Variants in GCNT1 observed in about 807,000 individuals in gnomAD.
The protein encoded by GCNT1 is glucosaminyl (N-acetyl) transferase 1.
GCNT1 carries 16 observed loss-of-function variants against 26.2 expected under a neutral mutation model. The ratio of observed to expected loss-of-function variants is 0.61; its 90% CI spans 0.41 to 0.93. The LOEUF is 0.93. Ranked by LOEUF, GCNT1 falls within the 40% of genes least tolerant of loss-of-function variation. The pLI, the probability that GCNT1 is intolerant of heterozygous loss-of-function variation, is 0.00. For missense variants in GCNT1, 477 were observed against 526.7 expected, an observed-to-expected ratio of 0.91 and a Z score of 0.92; for synonymous variants, 183 against 190.8, an observed-to-expected ratio of 0.96 and a Z score of 0.34.
upstream of GCNT1, among the ~76,000 whole-genome samples, chr9:76,440,585 G>A (rs1823470969): frequency 6.6e-6 from 1 of 152,144 alleles, no homozygotes; most frequent in Non-Finnish European, 1.5e-5. Flanking sequence ...CACCTGTCCT[G>A]TCTCCTTCCT....
chr9:76,408,052 G>A, the GCNT1 span, among the ~76,000 whole-genome samples: 142,626 of 152,264 alleles, frequency 0.94, 66,827 homozygotes, highest in East Asian at 1. Flanking sequence ...GATTTTCTAC[G>A]TAAATGTTCA....
intron 2 of GCNT1, among the ~76,000 whole-genome samples, chr9:76,494,529 C>T (rs2131634910): frequency 6.6e-6 from 1 of 152,258 alleles, no homozygotes; most frequent in Non-Finnish European, 1.5e-5. Context: ...TCAGGAGTAG[C>T]TTTTGTTAGG....
chr9:76,457,726 TAA>T (rs1295860860), upstream of GCNT1, among the ~76,000 whole-genome samples: 1 of 152,282 alleles, frequency 6.6e-6, no homozygotes, highest in African/African-American at 2.4e-5. Flanking sequence ...AAATTATTTT[TAA>T]AAGTTTATAA....
chr9:76,404,180 T>C, the GCNT1 span, among the ~76,000 whole-genome samples: 2 of 152,222 alleles, frequency 1.3e-5, no homozygotes, highest in Non-Finnish European at 2.9e-5. Context: ...TTACCAACAG[T>C]AATTACATAT....
At chr9:76,451,119 C>T (rs1823658211) in intron 1 of GCNT1, among the ~76,000 whole-genome samples, 1 of 152,190 alleles carries the variant, frequency 6.6e-6, no homozygotes, top group South Asian at 2.1e-4. Flanking sequence ...AAAGTAGTAC[C>T]TTACTCTTTT....
At chr9:76,447,654 C>G (rs1482465650) in intron 1 of GCNT1, among the ~76,000 whole-genome samples, 3 of 152,162 alleles carry the variant, frequency 2.0e-5, no homozygotes, top group Non-Finnish European at 4.4e-5. Context: ...ATTTTGCACA[C>G]TACCACCAGA....
At chr9:76,432,594 C>T (rs1290871993) in intron 1 of GCNT1, among the ~76,000 whole-genome samples, 1 of 152,168 alleles carries the variant, frequency 6.6e-6, no homozygotes, top group Admixed American at 6.5e-5. Flanking sequence ...CCTGCCTGGG[C>T]CTCCCAAAGT....
the GCNT1 span, among the ~76,000 whole-genome samples, chr9:76,396,781 T>G: frequency 6.6e-6 from 1 of 152,144 alleles, no homozygotes; most frequent in African/African-American, 2.4e-5. Flanking sequence ...GCAGTTGCAG[T>G]GAGCTGGAGA....
intron 2 of GCNT1, among the ~76,000 whole-genome samples, chr9:76,482,762 A>T (rs928289387): frequency 9.9e-5 from 15 of 151,216 alleles, no homozygotes; most frequent in African/African-American, 3.6e-4. Flanking sequence ...CTCCCACCTC[A>T]GCCTCCTGGG....
intron 1 of GCNT1, among the ~76,000 whole-genome samples, chr9:76,423,116 A>G (rs1823219684): frequency 6.6e-6 from 1 of 152,230 alleles, no homozygotes; most frequent in African/African-American, 2.4e-5. Flanking sequence ...AGAAATATCT[A>G]TACTTTTCTA....
chr9:76,482,967 T>A (rs891121434), intron 2 of GCNT1, among the ~76,000 whole-genome samples: 1 of 152,002 alleles, frequency 6.6e-6, no homozygotes, highest in African/African-American at 2.4e-5. Context: ...AACAGTATAT[T>A]ATCTTTAATC....
At chr9:76,428,644 A>G (rs970705539) in intron 1 of GCNT1, among the ~76,000 whole-genome samples, 2 of 151,784 alleles carry the variant, frequency 1.3e-5, no homozygotes, top group Non-Finnish European at 2.9e-5. Context: ...CCCTTCACTC[A>G]ACATTGTATT....
the GCNT1 span, among the ~76,000 whole-genome samples, chr9:76,400,416 C>T: frequency 6.6e-6 from 1 of 152,178 alleles, no homozygotes. Context: ...CTCTATTCTC[C>T]CAGCCTTAGA....
intron 1 of GCNT1, among the ~76,000 whole-genome samples, chr9:76,424,537 T>C (rs1401646514): frequency 6.6e-6 from 1 of 152,216 alleles, no homozygotes; most frequent in Non-Finnish European, 1.5e-5. Flanking sequence ...GGCTGGATCT[T>C]GGAGTAGCCC....
chr9:76,439,223 CTTTTTT>C (rs71499153), upstream of GCNT1, among the ~76,000 whole-genome samples: 2 of 120,128 alleles, frequency 1.7e-5, no homozygotes, highest in Admixed American at 9.1e-5. Context: ...TTTTCTTTTT[CTTTTTT>C]TTTTTTTTTT....
chr9:76,394,437 A>C, the GCNT1 span: 1 of 356,994 alleles, frequency 2.8e-6, no homozygotes, highest in Non-Finnish European at 5.0e-6. Context: ...GCCGGGTGTG[A>C]GCGGGGTGGG....
At chr9:76,407,757 C>G in the GCNT1 span, among the ~76,000 whole-genome samples, 1 of 152,134 alleles carries the variant, frequency 6.6e-6, no homozygotes, top group Admixed American at 6.5e-5. Context: ...ACATGGAATA[C>G]TTCTTCATTT....
chr9:76,498,773 C>CAA (rs1169273731), intron 2 of GCNT1, among the ~76,000 whole-genome samples: 10 of 39,372 alleles, frequency 2.5e-4, no homozygotes, highest in African/African-American at 4.8e-4. Context: ...AATTCCAGCT[C>CAA]AAAAAAAAAA....
Position 76,503,204 on chromosome 9 carries a change from C to T in GCNT1, c.823C>T (p.Leu275Phe), listed in dbSNP as rs1825134213. The change falls in exon 4 of 4, where the codon CTT (leucine) becomes TTT (phenylalanine). Residue 275 changes from leucine to phenylalanine, a missense_variant. Leu to Phe is a conservative substitution (Grantham distance 22). Coordinates refer to ENST00000376730, the MANE Select transcript of GCNT1 (RefSeq NM_001490.5). Reference protein sequence around the residue: ...KLTNTGTVKMLPPLETPLFSG... With the variant: ...KLTNTGTVKMFPPLETPLFSG... ...GACAAACACAGGGACTGTCAAAATG[C>T]TTCCTCCACTCGAAACACCTCTCTT... 6.2e-7 allele frequency: 1 copy of T among 1,614,182 alleles called. No individual in the cohort carries two copies. Among genetic ancestry groups the T allele is most frequent in the Non-Finnish European group, 8.5e-7 (1 of 1,180,014 alleles).
Sources: gnomAD v4.1 joint callset for allele counts (sites outside exome capture counted in the v4.1 genomes callset) on GRCh38, gnomAD v4.1.1 for gene constraint, MANE v1.5 for transcripts, NCBI Gene and HGNC (gene_info 2026-07-23, HGNC 2026-07-21) for gene names.